RFTN1: variants seen among roughly 807,000 people sequenced by gnomAD.
The protein encoded by RFTN1 is raftlin.
RFTN1 carries 26 observed loss-of-function variants against 46.5 expected under a neutral mutation model. The ratio of observed to expected loss-of-function variants is 0.56; its 90% CI spans 0.41 to 0.78. The LOEUF (loss-of-function observed/expected upper bound fraction) is 0.78, where lower values mean the gene tolerates loss of function less well. Ranked by LOEUF, RFTN1 falls within the 30% of genes least tolerant of loss-of-function variation. RFTN1 has a pLI of 0.00. For synonymous variants in RFTN1, 261 were observed against 284.2 expected, an observed-to-expected ratio of 0.92 and a Z score of 0.82; for missense variants, 693 against 718.7, an observed-to-expected ratio of 0.96 and a Z score of 0.41.
chr3:16,316,751 C>T lies in RFTN1; in HGVS notation c.*77G>A. On this transcript the variant is annotated 3_prime_UTR_variant, in exon 10 of 10. Transcript: ENST00000334133. The surrounding 1 kb of genome is among the most constrained non-coding windows in gnomAD (Gnocchi z 4.5). ...TAGGTAACACACAACACCAGGGAAACCAGCCCCCAAACCAGCTGTTGGTAA... is the reference window on the plus strand; with the variant it reads ...TAGGTAACACACAACACCAGGGAAATCAGCCCCCAAACCAGCTGTTGGTAA... 6.4e-7 allele frequency: 1 copy of T among 1,572,692 alleles called. No homozygotes were observed. The highest frequency in any genetic ancestry group is 1.1e-5 in the South Asian group (1 of 89,384).
Position 16,413,107 on chromosome 3 carries a change from C to A in RFTN1, c.333-3624G>T, listed in dbSNP as rs2075007240. Reference sequence around the variant, plus strand: ...ATTACAGAGCATAGAAAACTAATACCAAAAAAAGAAAACAGAAAACTAACA... The same window carrying A: ...ATTACAGAGCATAGAAAACTAATACAAAAAAAAGAAAACAGAAAACTAACA... On this transcript the variant is annotated intron_variant, in intron 3 of 9. Transcript: ENST00000334133. The surrounding 1 kb of genome is among the most constrained non-coding windows in gnomAD (Gnocchi z 4.7). Among the ~76,000 whole-genome samples the A allele has an allele frequency of 6.6e-6, 1 of 152,026 alleles. No homozygotes were observed. The highest frequency in any genetic ancestry group is 1.5e-5 in the Non-Finnish European group (1 of 67,996).
intron 2 of RFTN1, among the ~76,000 whole-genome samples, chr3:16,463,111 C>T (rs1433588079): frequency 1.3e-4 from 20 of 152,204 alleles, no homozygotes; most frequent in Admixed American, 1.3e-3. Context: ...ACATGTTTAT[C>T]CAGTCAGTAC....
rs576497899 is a variant in RFTN1, at chr3:16,507,181, A to T, written c.-9+6261T>A. Among the ~76,000 whole-genome samples the T allele has an allele frequency of 2.2e-3, 342 of 152,336 alleles. No homozygotes were observed. Among genetic ancestry groups the T allele is most frequent in the Non-Finnish European group, 4.0e-3 (274 of 68,022 alleles). On this transcript the variant is annotated intron_variant, in intron 1 of 9. Transcript: ENST00000334133. This position sits in a 1 kb window ranked among gnomAD's most constrained non-coding sequence, Gnocchi z 7.1. ...TTTAACAGGGCTCAGAAGAGCTCAG[A>T]CACATAGAAAGAGCAGTATAAATAT...
At chr3:16,488,421 C>A (rs150872753) in intron 2 of RFTN1, among the ~76,000 whole-genome samples, 48 of 152,242 alleles carry the variant, frequency 3.2e-4, no homozygotes, top group African/African-American at 1.0e-3. Flanking sequence ...TTGGAAAATG[C>A]ACATGGCACC....
At chr3:16,328,437 A>G (rs1021720085) in intron 7 of RFTN1, among the ~76,000 whole-genome samples, 2 of 152,246 alleles carry the variant, frequency 1.3e-5, no homozygotes, top group Admixed American at 6.5e-5. Flanking sequence ...TGGAAGGCAG[A>G]GGAGGAACAA....
intron 4 of RFTN1, among the ~76,000 whole-genome samples, chr3:16,395,140 T>G (rs935373094): frequency 2.6e-5 from 4 of 152,244 alleles, no homozygotes; most frequent in African/African-American, 7.2e-5. Context: ...CAGAAATTAT[T>G]TCAAATATAT....
rs561727459 is a variant in RFTN1, at chr3:16,429,165, G to A, written c.332+4686C>T. Reference sequence around the variant, plus strand: ...TTAGATGTGTGGCTAGGCCTGCCATGGTAAAATGAAATGGCAGTTATTAGA... The same window carrying A: ...TTAGATGTGTGGCTAGGCCTGCCATAGTAAAATGAAATGGCAGTTATTAGA... On this transcript the variant is annotated intron_variant, in intron 3 of 9. Coordinates refer to ENST00000334133, the MANE Select transcript of RFTN1 (RefSeq NM_015150.2). The surrounding 1 kb of genome is among the most constrained non-coding windows in gnomAD (Gnocchi z 6.4). 2.6e-5 allele frequency among the ~76,000 whole-genome samples: 4 copies of A among 152,284 alleles called. No individual in the cohort carries two copies. Among genetic ancestry groups the A allele is most frequent in the African/African-American group, 7.2e-5 (3 of 41,542 alleles).
rs1435790929 is a variant in RFTN1, at chr3:16,326,787, G to C, written c.1236C>G (p.Val412=). ...WQLTCVLPTP[V]VKTTSEGSVS... ...GTTATTGTTACCTGGTAGTCTTGAC[G>C]ACGGGAGTTGGTAGCACACAGGTGA... The change falls in exon 8 of 10, where the codon GTC becomes GTG. Residue 412 remains valine, a synonymous_variant. Transcript: ENST00000334133. 1 of 1,613,812 alleles carries C rather than the reference G, an allele frequency of 6.2e-7. No homozygotes were observed. Among genetic ancestry groups the C allele is most frequent in the East Asian group, 2.2e-5 (1 of 44,882 alleles).
intron 3 of RFTN1, among the ~76,000 whole-genome samples, chr3:16,431,643 C>A (rs924427586): frequency 6.6e-6 from 1 of 152,182 alleles, no homozygotes; most frequent in Non-Finnish European, 1.5e-5. Flanking sequence ...AACACTAAGG[C>A]CACTCGGATA....
rs927499448 is a variant in RFTN1, at chr3:16,479,587, G to A, written c.145+14138C>T. 4.6e-5 allele frequency among the ~76,000 whole-genome samples: 7 copies of A among 152,060 alleles called. No homozygotes were observed. The highest frequency in any genetic ancestry group is 8.8e-5 in the Non-Finnish European group (6 of 68,026). ...ACTTTTCTTTCACACACTTCATCTC[G>A]ACCATTTCTCACCAAGCAAGCCATG... On this transcript the variant is annotated intron_variant, in intron 2 of 9. Coordinates refer to ENST00000334133, the MANE Select transcript of RFTN1 (RefSeq NM_015150.2). The surrounding 1 kb of genome is among the most constrained non-coding windows in gnomAD (Gnocchi z 5.1).
chr3:16,346,844 CTGAGGA>C lies in RFTN1; in HGVS notation c.1146+11082_1146+11087del, dbSNP rs1453268272. 6.6e-6 allele frequency among the ~76,000 whole-genome samples: 1 copy of C among 152,190 alleles called. No homozygotes were observed. Among genetic ancestry groups the C allele is most frequent in the Non-Finnish European group, 1.5e-5 (1 of 68,034 alleles). On this transcript the variant is annotated intron_variant, in intron 7 of 9. Transcript: ENST00000334133. This position sits in a 1 kb window ranked among gnomAD's most constrained non-coding sequence, Gnocchi z 4.4. ...TCATAAGGAGAGCCCTGCAGACAGG[CTGAGGA>C]TGAGTACAGAAAGATGGCAACATCT...
rs777397500 is a variant in RFTN1 at position 16,402,611 on chromosome 3, C to G, written c.441+6764G>C. Among the ~76,000 whole-genome samples, 8 of 152,236 alleles carry G rather than the reference C, an allele frequency of 5.3e-5. No individual in the cohort carries two copies. Among genetic ancestry groups the G allele is most frequent in the Non-Finnish European group, 1.2e-4 (8 of 68,002 alleles). ...TTGTAGAAATGAAACTCTGAATACTCAACAATCAGCCAGAAAGTAAATGAT... is the reference window on the plus strand; with the variant it reads ...TTGTAGAAATGAAACTCTGAATACTGAACAATCAGCCAGAAAGTAAATGAT... On this transcript the variant is annotated intron_variant, in intron 4 of 9. Coordinates refer to ENST00000334133, the MANE Select transcript of RFTN1 (RefSeq NM_015150.2). This position sits in a 1 kb window ranked among gnomAD's most constrained non-coding sequence, Gnocchi z 4.5.
intron 4 of RFTN1, among the ~76,000 whole-genome samples, chr3:16,396,823 G>A (rs1254785850): frequency 1.3e-5 from 2 of 152,194 alleles, no homozygotes; most frequent in Non-Finnish European, 2.9e-5. Context: ...AGCACTTCGG[G>A]AAGCTGAGGT....
At chr3:16,398,116 G>A (rs866418417) in intron 4 of RFTN1, among the ~76,000 whole-genome samples, 5 of 151,842 alleles carry the variant, frequency 3.3e-5, no homozygotes, top group Middle Eastern at 3.4e-3. Context: ...GCGTGGTGGC[G>A]GGCGCCTGTA....
At chr3:16,388,654 A>G (rs2074267483) in intron 4 of RFTN1, among the ~76,000 whole-genome samples, 1 of 152,188 alleles carries the variant, frequency 6.6e-6, no homozygotes, top group Non-Finnish European at 1.5e-5. Context: ...CTCTTAAGAA[A>G]CCAAGTCAAT....
Position 16,370,408 on chromosome 3 carries a change from G to C in RFTN1, c.827-129C>G. On this transcript the variant is annotated intron_variant, in intron 5 of 9. Transcript: ENST00000334133. The surrounding 1 kb of genome is among the most constrained non-coding windows in gnomAD (Gnocchi z 5.5). ...ATGATGAATGCTGAAATCTCTGTGA[G>C]GCTGTATTGTTGCCAGATAATAAAG... The C allele has an allele frequency of 1.1e-6, 1 of 876,984 alleles. No individual in the cohort carries two copies. Among genetic ancestry groups the C allele is most frequent in the Non-Finnish European group, 1.8e-6 (1 of 545,472 alleles). 54.3% of individuals were successfully genotyped at this position (876,984 alleles called of 1,614,324 possible).
chr3:16,420,078 C>G (rs2075156364), intron 3 of RFTN1, among the ~76,000 whole-genome samples: 1 of 152,178 alleles, frequency 6.6e-6, no homozygotes, highest in African/African-American at 2.4e-5. Flanking sequence ...GGCTGGCTCC[C>G]TGGGAGACAA....
At chr3:16,368,123 C>T (rs1004831375) in intron 6 of RFTN1, among the ~76,000 whole-genome samples, 2 of 151,926 alleles carry the variant, frequency 1.3e-5, no homozygotes, top group African/African-American at 2.4e-5. Flanking sequence ...TGTGGTGTCC[C>T]TGCAGGAAAC....
In RFTN1 at chr3:16,427,070, T is replaced by C. The variant is rs768151115; in HGVS notation, c.332+6781A>G. Among the ~76,000 whole-genome samples, 1 of 152,180 alleles carries C rather than the reference T, an allele frequency of 6.6e-6. No individual in the cohort carries two copies. The highest frequency in any genetic ancestry group is 1.5e-5 in the Non-Finnish European group (1 of 68,032). On this transcript the variant is annotated intron_variant, in intron 3 of 9. Transcript: ENST00000334133. The surrounding 1 kb of genome is among the most constrained non-coding windows in gnomAD (Gnocchi z 5.4). Reference sequence around the variant, plus strand: ...AAGGGTGTGTGATTACCTCTACTGATGTAAGCACTACACAGAAATCTTAGA... The same window carrying C: ...AAGGGTGTGTGATTACCTCTACTGACGTAAGCACTACACAGAAATCTTAGA...
Sources: allele counts gnomAD v4.1 joint callset (sites outside exome capture counted in the v4.1 genomes callset), GRCh38; gene constraint gnomAD v4.1.1; non-coding constraint Gnocchi (gnomAD v3.1); transcripts MANE v1.5; gene names NCBI Gene and HGNC (gene_info 2026-07-23, HGNC 2026-07-21).